The following XYLT1 variants were observed in gnomAD, a reference collection of about 807,000 sequenced individuals.
XYLT1 encodes beta-D-xylosyltransferase 1.
A neutral mutation model predicts 91.3 loss-of-function variants in XYLT1; 36 were observed. That is an observed-to-expected ratio of 0.39 (90% CI 0.30 to 0.52). XYLT1 has a LOEUF of 0.52. Among genes scored for constraint, XYLT1 ranks in the 20% least tolerant of loss-of-function variants. XYLT1 has a pLI of 0.68. For missense variants in XYLT1, 1,242 were observed against 1,284.5 expected (o/e 0.97, Z 0.51); for synonymous variants, 588 against 532.0 (o/e 1.11, Z -1.45).
intron 3 of XYLT1, among the ~76,000 whole-genome samples, chr16:17,209,341 C>T (rs1555487921): frequency 1.3e-5 from 2 of 152,188 alleles, no homozygotes; most frequent in Non-Finnish European, 2.9e-5. Context: ...AATTTCATTC[C>T]TTTTTCAGGG....
Position 17,470,723 on chromosome 16 carries a change from A to G in XYLT1, c.74T>C (p.Leu25Pro). 1 of 1,149,864 alleles carries G rather than the reference A, an allele frequency of 8.7e-7. No individual in the cohort carries two copies. The allele number at this position is 1,149,864 out of a possible 1,614,324, so 71.2% of individuals were successfully genotyped here. Residue 25 changes from leucine (L) to proline (P), a missense_variant, in exon 1 of 12, where the codon CTG becomes CCG. Transcript: ENST00000261381. Reference protein sequence around the residue: ...HSALLAALTVLLLQTLVVWNF... With the variant: ...HSALLAALTVPLLQTLVVWNF... ...CCACACGACCAGCGTCTGCAGCAGC[A>G]GCACCGTGAGCGCCGCGAGCAGCGC...
chr16:17,335,327 G>A (rs149477002), intron 2 of XYLT1, among the ~76,000 whole-genome samples: 37 of 152,144 alleles, frequency 2.4e-4, no homozygotes, highest in Admixed American at 1.4e-3. Context: ...AGAAAACCGA[G>A]ATCAGAAAAA....
At chr16:17,138,712 A>T in intron 7 of XYLT1, 181 bp from the exon 8 acceptor site, 5 of 575,656 alleles carry the variant, frequency 8.7e-6, no homozygotes, top group Non-Finnish European at 1.2e-5. Context: ...AGCCAAATAA[A>T]CCTCTTTTCT....
chr16:17,260,513 T>G (rs1168062252), intron 2 of XYLT1, among the ~76,000 whole-genome samples: 1 of 152,102 alleles, frequency 6.6e-6, no homozygotes, highest in African/African-American at 2.4e-5. Context: ...GCATCCCTGC[T>G]AGTCCTCCTT....
intron 6 of XYLT1, among the ~76,000 whole-genome samples, chr16:17,154,217 G>T (rs2031351511): frequency 6.6e-6 from 1 of 152,192 alleles, no homozygotes; most frequent in South Asian, 2.1e-4. Flanking sequence ...GCCTGTCGAA[G>T]CCATTTGCTG....
intron 1 of XYLT1, among the ~76,000 whole-genome samples, chr16:17,360,864 T>C (rs2035372640): frequency 1.3e-5 from 2 of 152,218 alleles, no homozygotes; most frequent in Non-Finnish European, 2.9e-5. Context: ...GAATTTGCAA[T>C]GTGCGTGCAC....
At chr16:17,449,285 G>A (rs186204958) in intron 1 of XYLT1, among the ~76,000 whole-genome samples, 1 of 152,370 alleles carries the variant, frequency 6.6e-6, no homozygotes, top group East Asian at 1.9e-4. Flanking sequence ...GACGACAGTA[G>A]CCAGCTTCTC....
chr16:17,387,291 A>C (rs1043745233), intron 1 of XYLT1, among the ~76,000 whole-genome samples: 2 of 152,212 alleles, frequency 1.3e-5, no homozygotes, highest in Non-Finnish European at 1.5e-5. Flanking sequence ...AAAGAGAGAA[A>C]GAACAACTGT....
intron 3 of XYLT1, among the ~76,000 whole-genome samples, chr16:17,247,046 G>T (rs2033446184): frequency 6.6e-6 from 1 of 151,374 alleles, no homozygotes; most frequent in Non-Finnish European, 1.5e-5. Flanking sequence ...GCCCTGGACT[G>T]CCAAGTAATT....
chr16:17,120,819 T>C (rs2030025030), intron 10 of XYLT1, among the ~76,000 whole-genome samples: 1 of 152,118 alleles, frequency 6.6e-6, no homozygotes, highest in Admixed American at 6.6e-5. Flanking sequence ...TCTATAGAGA[T>C]CTAAAAATAA....
chr16:17,370,596 T>C (rs978871623), intron 1 of XYLT1, among the ~76,000 whole-genome samples: 1 of 152,210 alleles, frequency 6.6e-6, no homozygotes, highest in Non-Finnish European at 1.5e-5. Context: ...GGCCTCTGTT[T>C]AGCCAGCACT....
At chr16:17,114,348 C>T (rs974834290) in intron 11 of XYLT1, among the ~76,000 whole-genome samples, 6 of 152,168 alleles carry the variant, frequency 3.9e-5, no homozygotes, top group East Asian at 3.8e-4. Flanking sequence ...TTGTGATTAG[C>T]GGGCAGAAGG....
chr16:17,110,759 G>A (rs2141477433), intron 11 of XYLT1, among the ~76,000 whole-genome samples: 1 of 152,190 alleles, frequency 6.6e-6, no homozygotes, highest in East Asian at 1.9e-4. Flanking sequence ...GACAGATCTG[G>A]GGTTAAATCC....
intron 5 of XYLT1, among the ~76,000 whole-genome samples, chr16:17,178,987 T>A (rs1444262433): frequency 6.6e-6 from 1 of 151,914 alleles, no homozygotes; most frequent in African/African-American, 2.4e-5. Flanking sequence ...GAGGACCACT[T>A]GAGCCTGGGA....
chr16:17,340,766 T>A (rs1229412975), intron 2 of XYLT1, among the ~76,000 whole-genome samples: 2 of 152,208 alleles, frequency 1.3e-5, no homozygotes, highest in Non-Finnish European at 2.9e-5. Flanking sequence ...GCACTGCACT[T>A]AGCACAGGGG....
At chr16:17,131,885 T>A (rs2030495678) in intron 9 of XYLT1, among the ~76,000 whole-genome samples, 1 of 152,312 alleles carries the variant, frequency 6.6e-6, no homozygotes, top group East Asian at 1.9e-4. Context: ...CCTGATTTAT[T>A]TTCAGGCTCC....
intron 1 of XYLT1, among the ~76,000 whole-genome samples, chr16:17,394,844 G>C (rs913031708): frequency 6.6e-6 from 1 of 152,108 alleles, no homozygotes; most frequent in African/African-American, 2.4e-5. Flanking sequence ...TGTTGGGCTG[G>C]GCATGGTAGC....
chr16:17,412,142 T>C (rs1422761987), intron 1 of XYLT1, among the ~76,000 whole-genome samples: 1 of 152,026 alleles, frequency 6.6e-6, no homozygotes, highest in Non-Finnish European at 1.5e-5. Flanking sequence ...TACCTACAAC[T>C]CCTTCTCTGA....
At chr16:17,440,128 T>C (rs901609993) in intron 1 of XYLT1, among the ~76,000 whole-genome samples, 1 of 152,204 alleles carries the variant, frequency 6.6e-6, no homozygotes, top group Non-Finnish European at 1.5e-5. Context: ...AGGAAGGAAC[T>C]GGGGCCCTTG....
Sources: allele counts gnomAD v4.1 joint callset (sites outside exome capture counted in the v4.1 genomes callset), GRCh38; gene constraint gnomAD v4.1.1; transcripts MANE v1.5; gene names NCBI Gene and HGNC (gene_info 2026-07-23, HGNC 2026-07-21).